Variants in EFHB observed in about 807,000 individuals in gnomAD.
EFHB encodes the protein EF-hand domain family member B.
EFHB carries 91 observed loss-of-function variants against 87.2 expected under a neutral mutation model. The ratio of observed to expected loss-of-function variants is 1.04; its 90% CI spans 0.88 to 1.24. EFHB has a LOEUF of 1.24. EFHB is among the 50% of genes most tolerant of loss of function. EFHB has a pLI of 0.00. For synonymous variants in EFHB, 325 were observed against 333.6 expected (o/e 0.97, Z 0.28); for missense variants, 1,084 against 998.8 (o/e 1.09, Z -1.15).
At chr3:19,900,458 G>C (rs75449009) in intron 6 of EFHB, among the ~76,000 whole-genome samples, 71 of 152,146 alleles carry the variant, frequency 4.7e-4, no homozygotes, top group African/African-American at 1.7e-3. Context: ...GAGAGAGAAA[G>C]AATATCTAAC....
chr3:19,925,464 T>A (rs937261593), intron 1 of EFHB, among the ~76,000 whole-genome samples: 6 of 152,110 alleles, frequency 3.9e-5, no homozygotes, highest in African/African-American at 1.4e-4. Context: ...TTTATAACAC[T>A]TTTCTCTGTC....
At chr3:19,941,623 G>C (rs1696159559) in intron 1 of EFHB, 1 of 152,364 alleles carries the variant, frequency 6.6e-6, no homozygotes, top group African/African-American at 2.4e-5. Context: ...TTGGGAGGCT[G>C]AGGCAGGCGG....
intron 1 of EFHB, among the ~76,000 whole-genome samples, chr3:19,928,723 G>A (rs13319903): frequency 0.029 from 4,387 of 152,222 alleles, 212 homozygotes; most frequent in African/African-American, 0.099. Flanking sequence ...GGGATTTCAG[G>A]GGTGAGCCAC....
intron 5 of EFHB, among the ~76,000 whole-genome samples, chr3:19,915,083 T>C (rs1559463648): frequency 6.6e-6 from 1 of 151,758 alleles, no homozygotes; most frequent in Admixed American, 6.6e-5. Context: ...CAGAGACCCC[T>C]GTCTAAAAAA....
intron 9 of EFHB, among the ~76,000 whole-genome samples, chr3:19,888,990 T>C (rs1444756555): frequency 6.6e-6 from 1 of 152,244 alleles, no homozygotes; most frequent in Non-Finnish European, 1.5e-5. Context: ...GGGGAGATAG[T>C]TGCAGGACAA....
At chr3:19,921,017 T>C (rs1575036077) in intron 1 of EFHB, among the ~76,000 whole-genome samples, 1 of 152,110 alleles carries the variant, frequency 6.6e-6, no homozygotes, top group Non-Finnish European at 1.5e-5. Flanking sequence ...CTGTACTCCA[T>C]CCTGGGCAAT....
chr3:19,882,040 TAAATAAA>T (rs2071688913), intron 12 of EFHB, among the ~76,000 whole-genome samples: 2 of 142,076 alleles, frequency 1.4e-5, no homozygotes, highest in Non-Finnish European at 3.0e-5. Context: ...AATAAATAAA[TAAATAAA>T]TAAATAAATA....
intron 1 of EFHB, among the ~76,000 whole-genome samples, chr3:19,930,349 A>G (rs562028993): frequency 7.9e-5 from 12 of 152,246 alleles, no homozygotes; most frequent in African/African-American, 2.6e-4. Context: ...CCACTCATCT[A>G]GAATCTGGTT....
rs572793523 is a variant in EFHB at position 19,884,452 on chromosome 3, C to T, written c.2097G>A (p.Lys699=). 3.1e-6 allele frequency: 5 copies of T among 1,613,756 alleles called. No homozygotes were observed. The highest frequency in any genetic ancestry group is 3.3e-5 in the Admixed American group (2 of 59,984). Reference sequence around the variant, plus strand: ...TTGCATTGATCTCAGAAGAAGTTGTCTTATAGTAGTTGGAAACTTTATCAC... The same window carrying T: ...TTGCATTGATCTCAGAAGAAGTTGTTTTATAGTAGTTGGAAACTTTATCAC... ...RPSDKVSNYY[K]TTSSEINAIV... is the part of the protein sequence containing the mutation. The change falls in exon 11 of 13, where the codon AAG becomes AAA. Residue 699 remains lysine (K), a synonymous_variant. Transcript: ENST00000295824.
chr3:19,932,342 A>G (rs1203749161), intron 1 of EFHB, among the ~76,000 whole-genome samples: 1 of 152,172 alleles, frequency 6.6e-6, no homozygotes, highest in Non-Finnish European at 1.5e-5. Context: ...TACCCTTATT[A>G]AGATCCACCA....
At chr3:19,892,889 T>TAAAATAAAATAAG (rs79080019) in intron 9 of EFHB, among the ~76,000 whole-genome samples, 2,481 of 147,894 alleles carry the variant, frequency 0.017, 78 homozygotes, top group African/African-American at 0.059. Flanking sequence ...AATAAAATAA[T>TAAAATAAAATAAG]ATAAAATCAG....
chr3:19,928,349 C>G (rs778394500), intron 1 of EFHB, among the ~76,000 whole-genome samples: 8 of 152,200 alleles, frequency 5.3e-5, no homozygotes, highest in Non-Finnish European at 7.3e-5. Flanking sequence ...GAAATGGATA[C>G]AAGTGTTCTT....
chr3:19,920,059 A>C, intron 2 of EFHB, 83 bp from the exon 3 acceptor site: 1 of 1,441,286 alleles, frequency 6.9e-7, no homozygotes, highest in Non-Finnish European at 9.5e-7. Context: ...ATCAACCAAC[A>C]ACCTTAAGTG....
intron 1 of EFHB, among the ~76,000 whole-genome samples, chr3:19,939,708 C>T (rs1468322287): frequency 1.4e-5 from 2 of 138,158 alleles, no homozygotes; most frequent in South Asian, 2.5e-4. Flanking sequence ...TTCATGCTCC[C>T]ATAGCACCTC....
chr3:19,895,425 G>A (rs1694448729), intron 9 of EFHB, among the ~76,000 whole-genome samples: 1 of 151,362 alleles, frequency 6.6e-6, no homozygotes, highest in East Asian at 1.9e-4. Context: ...AGCTTGCAGT[G>A]AGCCGAGATG....
At chr3:19,900,318 TAACTC>T (rs1200728145) in intron 6 of EFHB, among the ~76,000 whole-genome samples, 2 of 151,936 alleles carry the variant, frequency 1.3e-5, no homozygotes, top group Non-Finnish European at 2.9e-5. Context: ...TATAAACAAA[TAACTC>T]ACATCTAGTA....
rs1170541481 is a variant in EFHB at position 19,933,356 on chromosome 3, G to A, written c.663C>T (p.Cys221=). The change falls in exon 1 of 13, where the codon TGC becomes TGT. Residue 221 remains cysteine (C), a synonymous_variant. Coordinates refer to ENST00000295824, the MANE Select transcript of EFHB (RefSeq NM_144715.4). ...TCTGTTCATGTTGTTGGGCAAACTG[G>A]CATTGGGGAGGTTCTATCACCAAGC... is the stretch of plus-strand genomic sequence containing the variant. ...QMGLVIEPPQ[C]QFAQQHEQRK... The A allele has an allele frequency of 1.6e-5, 26 of 1,613,846 alleles. No homozygotes were observed. The highest frequency in any genetic ancestry group is 2.1e-5 in the Non-Finnish European group (25 of 1,179,898).
At chr3:19,900,519 T>C (rs969514725) in intron 6 of EFHB, among the ~76,000 whole-genome samples, 1 of 152,216 alleles carries the variant, frequency 6.6e-6, no homozygotes, top group African/African-American at 2.4e-5. Flanking sequence ...TGCAAATTCC[T>C]ACAGTTCTTT....
chr3:19,915,426 TTAA>T lies in EFHB; in HGVS notation c.1178-16_1178-14del, dbSNP rs1356029386. The T allele has an allele frequency of 1.3e-6, 2 of 1,563,712 alleles. No individual in the cohort carries two copies. The highest frequency in any genetic ancestry group is 2.2e-5 in the East Asian group (1 of 44,484). On this transcript the variant is annotated splice_polypyrimidine_tract_variant and intron_variant, in intron 4 of 12. Coordinates refer to ENST00000295824, the MANE Select transcript of EFHB (RefSeq NM_144715.4). The stretch of plus-strand genomic sequence containing the variant: ...TTAGCAGAGTATTCTGAAGGAAGAA[TTAA>T]TAAAATCAGTTCCAAGTCACTTTTT...
Sources: allele counts gnomAD v4.1 joint callset (sites outside exome capture counted in the v4.1 genomes callset), GRCh38; gene constraint gnomAD v4.1.1; transcripts MANE v1.5; gene names NCBI Gene and HGNC (gene_info 2026-07-23, HGNC 2026-07-21).